Variants in NCOA3 observed in about 807,000 individuals in gnomAD.
NCOA3 encodes nuclear receptor coactivator 3, also known as CBP-interacting protein.
Under a neutral mutation model 158.8 loss-of-function variants are expected in NCOA3, and 51 were observed. That is an observed-to-expected ratio of 0.32 (90% CI 0.26 to 0.41). The LOEUF (loss-of-function observed/expected upper bound fraction) is 0.41, where lower values mean the gene tolerates loss of function less well. NCOA3 is among the 10% of genes least tolerant of loss of function. The pLI is 1.00. For synonymous variants in NCOA3, 537 were observed against 592.4 expected (o/e 0.91, Z 1.36); for missense variants, 1,510 against 1,746.6 (o/e 0.86, Z 2.41).
At chr20:47,511,569 T>C (rs1278757238) in intron 1 of NCOA3, among the ~76,000 whole-genome samples, 2 of 19,138 alleles carry the variant, frequency 1.0e-4, no homozygotes, top group Non-Finnish European at 3.5e-4. Context: ...CTTTTTTTTT[T>C]TGAGACGGTC....
At chr20:47,642,143 G>C in intron 16 of NCOA3, 70 bp from the exon 17 acceptor site, 1 of 1,145,998 alleles carries the variant, frequency 8.7e-7, no homozygotes, top group Non-Finnish European at 1.2e-6. Flanking sequence ...TACTATGCAT[G>C]GTTGCTGTGA....
chr20:47,502,247 C>G (rs1045372278), intron 1 of NCOA3, among the ~76,000 whole-genome samples: 3 of 152,180 alleles, frequency 2.0e-5, no homozygotes, highest in African/African-American at 4.8e-5. Flanking sequence ...TGAGACGAAG[C>G]TGGGTGGCAG....
chr20:47,512,584 A>AC (rs2084164006), intron 1 of NCOA3, among the ~76,000 whole-genome samples: 1 of 151,506 alleles, frequency 6.6e-6, no homozygotes, highest in African/African-American at 2.4e-5. Flanking sequence ...AAAAAAAAAA[A>AC]AAAAACACAA....
In NCOA3 at chr20:47,622,261, GAGA is replaced by G; in HGVS notation, c.16_18del (p.Glu6del). On this transcript the variant is annotated inframe_deletion, in exon 3 of 23. Coordinates refer to ENST00000371998, the MANE Select transcript of NCOA3 (RefSeq NM_181659.3). ...TGTATATTCAAGATGAGTGGATTAGGAGAAAACTTGGATCCACTGGCCAGTGAT... is the reference window on the plus strand; with the variant it reads ...TGTATATTCAAGATGAGTGGATTAGGAAACTTGGATCCACTGGCCAGTGAT... The G allele has an allele frequency of 6.2e-7, 1 of 1,604,530 alleles. No homozygotes were observed. The highest frequency in any genetic ancestry group is 8.5e-7 in the Non-Finnish European group (1 of 1,175,576).
intron 18 of NCOA3, among the ~76,000 whole-genome samples, chr20:47,648,789 T>C (rs1602544093): frequency 1.3e-5 from 2 of 152,156 alleles, no homozygotes; most frequent in South Asian, 2.1e-4. Flanking sequence ...TACTTTTTTT[T>C]CCCCAGTGCC....
At chr20:47,563,412 GGA>G (rs1446880349) in intron 1 of NCOA3, among the ~76,000 whole-genome samples, 1 of 152,112 alleles carries the variant, frequency 6.6e-6, no homozygotes, top group African/African-American at 2.4e-5. Flanking sequence ...ATATGTAGAA[GGA>G]ATAGATAGGC....
chr20:47,634,292 A>G, intron 10 of NCOA3, 97 bp downstream of exon 10: 3 of 1,217,066 alleles, frequency 2.5e-6, no homozygotes, highest in Non-Finnish European at 3.5e-6. Context: ...AAATGAGACA[A>G]AATTTAGGAA....
At chr20:47,543,764 C>T (rs1218961206) in intron 1 of NCOA3, among the ~76,000 whole-genome samples, 5 of 152,162 alleles carry the variant, frequency 3.3e-5, no homozygotes, top group East Asian at 1.9e-4. Context: ...CCTGCCTTGT[C>T]CTCCCAGGGA....
rs768974383 is a variant in NCOA3, at chr20:47,637,652, C to G, written c.2381C>G (p.Ser794Cys). 4.4e-6 allele frequency: 7 copies of G among 1,602,530 alleles called. No homozygotes were observed. In the East Asian group the frequency reaches 6.7e-5, roughly 15 times the overall value. ...TTTTTAAAACTTTATTTTCAGGGAT[C>G]TGGAGACTTGGATAATCTAGATGCT... The part of the protein sequence containing the change: ...KIKTETSEEG[S>C]GDLDNLDAIL... Residue 794 changes from serine (S) to cysteine (C), a missense_variant, in exon 13 of 23, where the codon TCT becomes TGT. Ser to Cys is a moderately radical substitution (Grantham distance 112, BLOSUM62 -1). Around this residue, in one of 4 missense-constraint regions of NCOA3, gnomAD observed 1,017 missense variants for 1,098.3 expected, o/e 0.93. Transcript: ENST00000371998.
chr20:47,587,434 C>G (rs1317793427), intron 2 of NCOA3, among the ~76,000 whole-genome samples: 3 of 152,206 alleles, frequency 2.0e-5, no homozygotes. Context: ...TGCTTATACA[C>G]ATACATGTAC....
chr20:47,599,631 A>G (rs927411085), intron 2 of NCOA3, among the ~76,000 whole-genome samples: 1 of 152,212 alleles, frequency 6.6e-6, no homozygotes, highest in African/African-American at 2.4e-5. Context: ...ATGGAAAAAT[A>G]TTACTTTCCT....
intron 1 of NCOA3, among the ~76,000 whole-genome samples, chr20:47,548,656 T>A (rs892263545): frequency 6.6e-6 from 1 of 152,242 alleles, no homozygotes; most frequent in Non-Finnish European, 1.5e-5. Flanking sequence ...TAACATGCAA[T>A]TGAGAAATGC....
intron 3 of NCOA3, chr20:47,622,970 C>G (rs2086265705): frequency 6.6e-6 from 1 of 152,180 alleles, no homozygotes; most frequent in South Asian, 2.1e-4. Context: ...TTGCTTCAGA[C>G]CATCTGGATG....
At chr20:47,652,838 C>A in intron 21 of NCOA3, 93 bp from the exon 22 acceptor site, 2 of 1,394,124 alleles carry the variant, frequency 1.4e-6, no homozygotes, top group Non-Finnish European at 2.0e-6. Flanking sequence ...TTAAGTATAG[C>A]AATGTTTGAC....
intron 1 of NCOA3, among the ~76,000 whole-genome samples, chr20:47,544,341 T>G (rs2146137751): frequency 7.1e-6 from 1 of 141,244 alleles, no homozygotes; most frequent in Non-Finnish European, 1.5e-5. Flanking sequence ...TTTTTTTCCC[T>G]TAAACGCAGG....
At chr20:47,621,844 G>A (rs1329502435) in intron 2 of NCOA3, among the ~76,000 whole-genome samples, 7 of 151,758 alleles carry the variant, frequency 4.6e-5, no homozygotes, top group Admixed American at 3.9e-4. Context: ...GTAGAGACGG[G>A]GTTTCACCAT....
chr20:47,554,820 C>T (rs1328408156), intron 1 of NCOA3, among the ~76,000 whole-genome samples: 3 of 152,144 alleles, frequency 2.0e-5, no homozygotes, highest in Non-Finnish European at 4.4e-5. Flanking sequence ...CCCCATCGAG[C>T]TACCAATGAC....
chr20:47,632,389 T>G (rs1222219700), intron 8 of NCOA3, among the ~76,000 whole-genome samples: 6 of 151,594 alleles, frequency 4.0e-5, no homozygotes, highest in African/African-American at 1.5e-4. Flanking sequence ...AGGTTTTTTT[T>G]TTTTTTTTTT....
chr20:47,608,599 A>G (rs2085989174), intron 2 of NCOA3, among the ~76,000 whole-genome samples: 2 of 145,466 alleles, frequency 1.4e-5, no homozygotes, highest in South Asian at 2.2e-4. Context: ...TGATCACACC[A>G]TTGCACTCCA....
Sources: gnomAD v4.1 joint callset for allele counts (sites outside exome capture counted in the v4.1 genomes callset) on GRCh38, gnomAD v4.1.1 for gene constraint, gnomAD v4.1.1 regional missense constraint, MANE v1.5 for transcripts, NCBI Gene and HGNC (gene_info 2026-07-23, HGNC 2026-07-21) for gene names.